Variants in ATP2C1 observed in about 807,000 individuals in gnomAD.
ATP2C1 encodes the protein ATPase secretory pathway Ca2+ transporting 1.
ATP2C1 carries 31 observed loss-of-function variants against 120.5 expected under a neutral mutation model. That is an observed-to-expected ratio of 0.26 (90% confidence interval 0.19 to 0.35). The LOEUF (loss-of-function observed/expected upper bound fraction) is 0.35, where lower values mean the gene tolerates loss of function less well. Among genes scored for constraint, ATP2C1 ranks in the 10% least tolerant of loss-of-function variants. The pLI is 1.00. For synonymous variants in ATP2C1, 351 were observed against 358.7 expected (o/e 0.98, Z 0.24); for missense variants, 731 against 1,107.5 (o/e 0.66, Z 4.83).
chr3:130,896,996 G>A (rs2069688743), intron 2 of ATP2C1, among the ~76,000 whole-genome samples: 1 of 152,196 alleles, frequency 6.6e-6, no homozygotes, highest in Non-Finnish European at 1.5e-5. Context: ...CCTACCTTAT[G>A]AGGTTGTTGT....
intron 2 of ATP2C1, among the ~76,000 whole-genome samples, chr3:130,919,288 G>C (rs1308653017): frequency 1.3e-5 from 2 of 151,240 alleles, no homozygotes; most frequent in African/African-American, 4.9e-5. Context: ...GCAATGGCGC[G>C]ATCTCAGCTT....
At chr3:130,952,060 G>GTA (rs2060393078) in intron 8 of ATP2C1, among the ~76,000 whole-genome samples, 1 of 152,070 alleles carries the variant, frequency 6.6e-6, no homozygotes, top group Non-Finnish European at 1.5e-5. Flanking sequence ...CCCTAATTAT[G>GTA]GCCCAGCCTT....
chr3:130,882,244 C>G (rs2068809187), intron 1 of ATP2C1, among the ~76,000 whole-genome samples: 1 of 151,088 alleles, frequency 6.6e-6, no homozygotes, highest in Non-Finnish European at 1.5e-5. Context: ...GTTGCCCAGG[C>G]TGGAATGCAG....
intron 2 of ATP2C1, among the ~76,000 whole-genome samples, chr3:130,902,268 A>G (rs1209728193): frequency 7.9e-6 from 1 of 126,820 alleles, no homozygotes; most frequent in Non-Finnish European, 1.6e-5. Context: ...TTTAACTGCT[A>G]ATTTCAAGGC....
intron 20 of ATP2C1, 23 bp from the exon 21 acceptor site, chr3:130,992,928 T>C: frequency 6.3e-7 from 1 of 1,595,708 alleles, no homozygotes; most frequent in Non-Finnish European, 8.6e-7. Flanking sequence ...TGAAGATTTT[T>C]AGTGTATCTT....
chr3:130,908,513 G>T (rs1055316397), intron 2 of ATP2C1, among the ~76,000 whole-genome samples: 1 of 150,690 alleles, frequency 6.6e-6, no homozygotes, highest in Non-Finnish European at 1.5e-5. Flanking sequence ...CACCTGTATA[G>T]AAAATGGCTG....
chr3:130,941,252 G>GTGTGTGTGTGTC (rs1553764221), intron 7 of ATP2C1, among the ~76,000 whole-genome samples: 336 of 144,356 alleles, frequency 2.3e-3, no homozygotes, highest in South Asian at 6.7e-3. Flanking sequence ...GTGTGTGTGT[G>GTGTGTGTGTGTC]TGTGTGTGTG....
intron 1 of ATP2C1, among the ~76,000 whole-genome samples, chr3:130,862,563 T>C (rs2068051136): frequency 6.6e-6 from 1 of 152,122 alleles, no homozygotes; most frequent in Non-Finnish European, 1.5e-5. Flanking sequence ...TTCATTAGAG[T>C]CTAGAAAAGT....
intron 17 of ATP2C1, among the ~76,000 whole-genome samples, chr3:130,974,509 G>C (rs1274341376): frequency 6.6e-6 from 1 of 152,202 alleles, no homozygotes; most frequent in Non-Finnish European, 1.5e-5. Flanking sequence ...GAGTGAGGAC[G>C]GCAATAGGGA....
intron 20 of ATP2C1, 88 bp downstream of exon 20, chr3:130,980,767 G>A (rs991347776): frequency 1.0e-6 from 1 of 995,782 alleles, no homozygotes; most frequent in Non-Finnish European, 1.6e-6. Flanking sequence ...CTGTTTAATT[G>A]TGAACATCAG....
At chr3:130,928,203 C>A (rs1277145019) in intron 2 of ATP2C1, 1 of 152,310 alleles carries the variant, frequency 6.6e-6, no homozygotes, top group African/African-American at 2.4e-5. Context: ...ACTTTACCAT[C>A]TTGCTTTTCT....
chr3:130,964,867 T>G (rs1398575405), intron 13 of ATP2C1, 81 bp from the exon 14 acceptor site: 1 of 982,032 alleles, frequency 1.0e-6, no homozygotes, highest in Non-Finnish European at 1.6e-6. Context: ...AGGACAGGAT[T>G]CTAGTCTTTG....
intron 2 of ATP2C1, among the ~76,000 whole-genome samples, chr3:130,926,116 A>G (rs987919597): frequency 1.3e-5 from 2 of 152,110 alleles, no homozygotes; most frequent in Non-Finnish European, 2.9e-5. Context: ...TGCAGTGGTG[A>G]TCCAATTTCT....
At chr3:131,012,723 C>T (rs1273223332) in intron 26 of ATP2C1, among the ~76,000 whole-genome samples, 1 of 152,052 alleles carries the variant, frequency 6.6e-6, no homozygotes, top group Non-Finnish European at 1.5e-5. Context: ...CTGAGGAACT[C>T]CCATGCAATC....
intron 6 of ATP2C1, among the ~76,000 whole-genome samples, chr3:130,938,545 G>T (rs2059765485): frequency 6.6e-6 from 1 of 152,204 alleles, no homozygotes; most frequent in African/African-American, 2.4e-5. Flanking sequence ...TAGAAAGCCA[G>T]TTGGAATCAG....
At position 131,002,902 on chromosome 3, in the gene ATP2C1, A is replaced by G; in HGVS notation, c.*1552A>G. The stretch of plus-strand genomic sequence containing the variant: ...TTTAAGGCTGAATTGTCAAATGTAC[A>G]TTGTTCCATGTCGTTAGATGGAACA... On this transcript the variant is annotated 3_prime_UTR_variant, in exon 28 of 28. Coordinates refer to ENST00000510168, the MANE Select transcript of ATP2C1 (RefSeq NM_001378687.1). 2 of 985,820 alleles carry G rather than the reference A, an allele frequency of 2.0e-6. No individual in the cohort carries two copies. The highest frequency in any genetic ancestry group is 2.4e-6 in the Non-Finnish European group (2 of 829,888). 61.1% of individuals were successfully genotyped at this position (985,820 alleles called of 1,614,324 possible). A position where few individuals can be genotyped will look rare whatever the true frequency, so the allele number is the denominator to read the frequency against.
At chr3:130,978,858 G>T (rs900387237) in intron 18 of ATP2C1, among the ~76,000 whole-genome samples, 1 of 152,170 alleles carries the variant, frequency 6.6e-6, no homozygotes, top group African/African-American at 2.4e-5. Flanking sequence ...CTTCAAAGGT[G>T]TTTGCCTGTT....
chr3:130,881,949 T>C (rs1434857125), intron 1 of ATP2C1, among the ~76,000 whole-genome samples: 1 of 152,248 alleles, frequency 6.6e-6, no homozygotes, highest in Non-Finnish European at 1.5e-5. Context: ...CTAATAGTTT[T>C]TGGTGGAGTC....
At chr3:130,872,725 C>T (rs574759810) in intron 1 of ATP2C1, among the ~76,000 whole-genome samples, 66 of 152,150 alleles carry the variant, frequency 4.3e-4, no homozygotes, top group Admixed American at 1.2e-3. Flanking sequence ...GCTGTGATTA[C>T]GGGCACCTAC....
Sources: allele counts gnomAD v4.1 joint callset (sites outside exome capture counted in the v4.1 genomes callset), GRCh38; gene constraint gnomAD v4.1.1; transcripts MANE v1.5; gene names NCBI Gene and HGNC (gene_info 2026-07-23, HGNC 2026-07-21).